POLQ: variants seen among roughly 807,000 people sequenced by gnomAD.
The protein encoded by POLQ is epididymis secretory sperm binding protein.
POLQ carries 233 observed loss-of-function variants against 259.2 expected under a neutral mutation model. The ratio of observed to expected loss-of-function variants is 0.90; its 90% CI spans 0.81 to 1.00. The LOEUF (loss-of-function observed/expected upper bound fraction) is 1.00, where lower values mean the gene tolerates loss of function less well. POLQ is among the 50% of genes least tolerant of loss of function. The pLI is 0.00. For missense variants in POLQ, 2,871 were observed against 3,051.6 expected, an observed-to-expected ratio of 0.94 and a Z score of 1.39; for synonymous variants, 1,025 against 1,048.8, an observed-to-expected ratio of 0.98 and a Z score of 0.44.
At chr3:121,443,285 G>A (rs1365231229) in intron 26 of POLQ, among the ~76,000 whole-genome samples, 1 of 152,054 alleles carries the variant, frequency 6.6e-6, no homozygotes, top group Non-Finnish European at 1.5e-5. Context: ...CTGTCTTTTG[G>A]ATAAAAGCCA....
intron 22 of POLQ, 21 bp downstream of exon 22, chr3:121,471,969 A>G: frequency 7.5e-7 from 1 of 1,332,084 alleles, no homozygotes; most frequent in Non-Finnish European, 1.0e-6. Context: ...GATATTGTTT[A>G]TACTTAAGAT....
chr3:121,464,019 A>T (rs369288951), intron 24 of POLQ, among the ~76,000 whole-genome samples: 5 of 152,346 alleles, frequency 3.3e-5, no homozygotes, highest in Middle Eastern at 3.4e-3. Context: ...AGAGTCCTAC[A>T]AAGATTAACT....
chr3:121,444,335 T>G (rs1291402313), intron 26 of POLQ, among the ~76,000 whole-genome samples: 1 of 89,056 alleles, frequency 1.1e-5, no homozygotes, highest in African/African-American at 3.6e-5. Context: ...TCCTAAGTGT[T>G]TAATTTTATT....
At chr3:121,545,008 A>G in intron 1 of POLQ, 102 bp from the exon 2 acceptor site, 1 of 654,938 alleles carries the variant, frequency 1.5e-6, no homozygotes, top group Non-Finnish European at 2.6e-6. Flanking sequence ...GTTGAAATGA[A>G]GCTCTTTAAA....
rs775187753 is a variant in POLQ, at chr3:121,472,036, A to G, written c.6672T>C (p.Leu2224=). ...LQREKCLNPF[L]GMERIYPVSQ... ...ATACAGGATAGATTCTTTCCATTCC[A>G]AGAAAAGGATTAAGACACTTTTCCC... Residue 2224 remains leucine, a synonymous_variant, in exon 22 of 30, where the codon CTT becomes CTC. Transcript: ENST00000264233. 5.7e-6 allele frequency: 9 copies of G among 1,579,918 alleles called. No homozygotes were observed. The South Asian group carries it at 1.0e-4, about 18-fold the overall frequency.
chr3:121,498,640 T>C lies in POLQ; in HGVS notation c.1990A>G (p.Ile664Val), dbSNP rs746816498. The C allele has an allele frequency of 8.2e-5, 132 of 1,613,104 alleles. No individual in the cohort carries two copies. The highest frequency in any genetic ancestry group is 1.6e-4 in the Middle Eastern group (1 of 6,084). The stretch of plus-strand genomic sequence containing the variant: ...AAACAGAAAAATCGATACCAATCAA[T>C]AGTAGTCCAATCCTCAAACATAGGT... Reference protein sequence around the residue: ...VTPMFEDWTTIDWYRFFCLWE... With the variant: ...VTPMFEDWTTVDWYRFFCLWE... The change falls in exon 13 of 30, where the codon ATT becomes GTT. Residue 664 changes from isoleucine (I) to valine (V), a missense_variant. This residue lies in a region of POLQ where 783 missense variants were observed against 906.2 expected (regional missense o/e 0.86). Coordinates refer to ENST00000264233, the MANE Select transcript of POLQ (RefSeq NM_199420.4).
chr3:121,495,969 T>C (rs1343265498), intron 14 of POLQ, among the ~76,000 whole-genome samples: 1 of 151,414 alleles, frequency 6.6e-6, no homozygotes, highest in Non-Finnish European at 1.5e-5. Context: ...ATTATACATA[T>C]AACACACCCT....
intron 29 of POLQ, 36 bp from the exon 30 acceptor site, chr3:121,432,453 A>G (rs376004587): frequency 1.3e-6 from 2 of 1,589,750 alleles, no homozygotes; most frequent in Non-Finnish European, 1.7e-6. Flanking sequence ...CAAACTGCCC[A>G]GTCAAAGAAT....
intron 19 of POLQ, among the ~76,000 whole-genome samples, chr3:121,479,362 A>AGTGTG (rs140158750): frequency 1.4e-5 from 2 of 142,654 alleles, no homozygotes; most frequent in African/African-American, 5.2e-5. Context: ...AAAAAAAAAA[A>AGTGTG]TGTGTGTGTG....
At chr3:121,537,990 A>G (rs1157506032) in intron 4 of POLQ, among the ~76,000 whole-genome samples, 1 of 152,168 alleles carries the variant, frequency 6.6e-6, no homozygotes, top group Non-Finnish European at 1.5e-5. Context: ...CTGATCTAAA[A>G]ATCAATTATT....
At chr3:121,529,862 T>G in intron 6 of POLQ, 70 bp from the exon 7 acceptor site, 1 of 1,184,264 alleles carries the variant, frequency 8.4e-7, no homozygotes, top group Non-Finnish European at 1.2e-6. Context: ...TTAAAAGCAC[T>G]CATTTTCCTT....
intron 25 of POLQ, among the ~76,000 whole-genome samples, chr3:121,453,868 G>T (rs1244994790): frequency 9.2e-5 from 14 of 152,152 alleles, no homozygotes; most frequent in Non-Finnish European, 2.1e-4. Context: ...TCACATTCAG[G>T]AAATCCAGAG....
intron 7 of POLQ, among the ~76,000 whole-genome samples, chr3:121,524,897 T>C (rs2048361471): frequency 6.6e-6 from 1 of 151,610 alleles, no homozygotes; most frequent in East Asian, 1.9e-4. Flanking sequence ...TTAAAATACA[T>C]TTGTATATAC....
chr3:121,436,151 C>G lies in POLQ; in HGVS notation c.7514G>C (p.Arg2505Pro). 6.2e-7 allele frequency: 1 copy of G among 1,613,812 alleles called. No individual in the cohort carries two copies. Among genetic ancestry groups the G allele is most frequent in the East Asian group, 2.2e-5 (1 of 44,878 alleles). ...FHSTFKSHGHREGMLQSDQTG... is the reference protein window; with the variant it reads ...FHSTFKSHGHPEGMLQSDQTG... ...TTGGTCACTTTGGAGCATACCCTCT[C>G]GATGACCATGGGATTTGAAGGTTGA... Residue 2505 changes from arginine (R) to proline (P), a missense_variant, in exon 28 of 30, where the codon CGA (arginine) becomes CCA (proline). Transcript: ENST00000264233.
rs61729716 is a variant in POLQ at position 121,545,911 on chromosome 3, C to G, written c.-34G>C. On this transcript the variant is annotated 5_prime_UTR_variant, in exon 1 of 30. Coordinates refer to ENST00000264233, the MANE Select transcript of POLQ (RefSeq NM_199420.4). ...CTTCTCGGCCGATCAGGGCAAGCCA[C>G]AGTCCCAGCGTCCTCCCTCTCGGGA... The G allele has an allele frequency of 1.7e-3, 2,763 of 1,612,308 alleles. 46 individuals are homozygous for G. In the African/African-American group the frequency reaches 0.032, roughly 19 times the overall value.
chr3:121,459,671 G>A (rs1409579938), intron 25 of POLQ, among the ~76,000 whole-genome samples: 9 of 152,130 alleles, frequency 5.9e-5, no homozygotes, highest in Non-Finnish European at 1.0e-4. Context: ...GTGAGCCACC[G>A]CGCCCGGCCT....
chr3:121,452,328 G>A (rs1192108067), intron 25 of POLQ, among the ~76,000 whole-genome samples: 1 of 152,176 alleles, frequency 6.6e-6, no homozygotes, highest in Non-Finnish European at 1.5e-5. Flanking sequence ...TGGTACCTCA[G>A]TTGGAAATGC....
Position 121,512,589 on chromosome 3 carries a change from A to C in POLQ, c.1469-560T>G, listed in dbSNP as rs144027790. On this transcript the variant is annotated intron_variant, in intron 9 of 29. Coordinates refer to ENST00000264233, the MANE Select transcript of POLQ (RefSeq NM_199420.4). ...TGTTATATAAGACCCCAGGTTAAAC[A>C]GTTTCTCAGGTCTTCAATCCTTTTC... Among the ~76,000 whole-genome samples, 739 of 152,352 alleles carry C rather than the reference A, an allele frequency of 4.9e-3. 1 individual carries two copies. The highest frequency in any genetic ancestry group is 7.0e-3 in the Non-Finnish European group (479 of 68,040).
chr3:121,472,315 T>C, intron 21 of POLQ, 151 bp from the exon 22 acceptor site: 1 of 449,678 alleles, frequency 2.2e-6, no homozygotes, highest in Non-Finnish European at 4.0e-6. Flanking sequence ...TAAACCACCG[T>C]ATTGATAAAA....
Sources: allele counts gnomAD v4.1 joint callset (sites outside exome capture counted in the v4.1 genomes callset), GRCh38; gene constraint gnomAD v4.1.1; regional missense constraint gnomAD v4.1.1; transcripts MANE v1.5; gene names NCBI Gene and HGNC (gene_info 2026-07-23, HGNC 2026-07-21).